The following ARID5B variants were observed in gnomAD, a reference collection of about 807,000 sequenced individuals.
ARID5B encodes the protein AT-rich interactive domain-containing protein 5B.
ARID5B carries 13 observed loss-of-function variants against 97.2 expected under a neutral mutation model. The observed-to-expected ratio is 0.13, with a 90% confidence interval of 0.09 to 0.21. The LOEUF (loss-of-function observed/expected upper bound fraction) is 0.21. ARID5B is among the 10% of genes least tolerant of loss of function. The probability of loss-of-function intolerance (pLI) is 1.00; values close to 1 mark genes in which losing one functional copy is unlikely to be tolerated. For synonymous variants in ARID5B, 556 were observed against 570.3 expected (o/e 0.97, Z 0.36); for missense variants, 1,210 against 1,465.3 (o/e 0.83, Z 2.84).
chr10:62,042,190 A>G (rs1311556999), intron 4 of ARID5B, among the ~76,000 whole-genome samples: 4 of 152,222 alleles, frequency 2.6e-5, no homozygotes, highest in African/African-American at 7.2e-5. Context: ...GTATTTATAG[A>G]AGAGTTTTCA....
Position 62,000,246 on chromosome 10 carries a change from C to T in ARID5B, c.658C>T (p.Pro220Ser), listed in dbSNP as rs1166230083. 4.3e-6 allele frequency: 7 copies of T among 1,613,830 alleles called. No homozygotes were observed. The highest frequency in any genetic ancestry group is 4.0e-5 in the African/African-American group (3 of 74,912). ...GGGCATTGCAGTGGTCAGCAGGAAC[C>T]CTCAGATCCTGTACTGTCGGGACAC... ...LGGIAVVSRN[P>S]QILYCRDTFD... is the part of the protein sequence containing the mutation. The change falls in exon 4 of 10, where the codon CCT becomes TCT. Residue 220 changes from proline (P) to serine (S), a missense_variant. This residue lies in a region of ARID5B where 132 missense variants were observed against 156.7 expected (regional missense o/e 0.84). Coordinates refer to ENST00000279873, the MANE Select transcript of ARID5B (RefSeq NM_032199.3). This position sits in a 1 kb window ranked among gnomAD's most constrained non-coding sequence, Gnocchi z 4.4.
chr10:61,916,456 A>C (rs1843906618), intron 2 of ARID5B, among the ~76,000 whole-genome samples: 1 of 152,220 alleles, frequency 6.6e-6, no homozygotes, highest in Non-Finnish European at 1.5e-5. Flanking sequence ...CTCATTTAAA[A>C]TAATATTAAT....
intron 8 of ARID5B, among the ~76,000 whole-genome samples, chr10:62,083,284 GA>G (rs35649259): frequency 0.47 from 46,845 of 99,528 alleles, 7,375 homozygotes; most frequent in Non-Finnish European, 0.51. Flanking sequence ...GTGAAGGGGA[GA>G]AAAAAAAAAA....
chr10:62,084,331 A>G (rs1840253032), intron 8 of ARID5B, among the ~76,000 whole-genome samples: 1 of 152,250 alleles, frequency 6.6e-6, no homozygotes, highest in South Asian at 2.1e-4. Flanking sequence ...AACCTGAACA[A>G]TCGTGTATGG....
intron 7 of ARID5B, among the ~76,000 whole-genome samples, chr10:62,067,813 C>A (rs988441438): frequency 6.6e-6 from 1 of 152,224 alleles, no homozygotes; most frequent in Non-Finnish European, 1.5e-5. Flanking sequence ...TTTCCTATAA[C>A]CTGCCTCACA....
intron 4 of ARID5B, chr10:62,025,293 T>C (rs1254300817): frequency 6.6e-6 from 1 of 152,220 alleles, no homozygotes; most frequent in Non-Finnish European, 1.5e-5. Context: ...GTGATTCATT[T>C]GTGCTTTATT....
intron 4 of ARID5B, among the ~76,000 whole-genome samples, chr10:62,014,587 A>G (rs1839260142): frequency 6.6e-6 from 1 of 152,176 alleles, no homozygotes; most frequent in Non-Finnish European, 1.5e-5. Context: ...TAGAAAGGGC[A>G]TTTGGGAGTC....
intron 4 of ARID5B, among the ~76,000 whole-genome samples, chr10:62,048,540 C>G (rs1426036649): frequency 6.6e-6 from 1 of 152,224 alleles, no homozygotes; most frequent in Non-Finnish European, 1.5e-5. Flanking sequence ...TTGATCAAAT[C>G]CCATTTAGAG....
intron 2 of ARID5B, among the ~76,000 whole-genome samples, chr10:61,914,033 G>A (rs1164465960): frequency 6.6e-6 from 1 of 152,204 alleles, no homozygotes; most frequent in African/African-American, 2.4e-5. Context: ...TTACAGGCGT[G>A]AGCTACCGCG....
chr10:61,973,342 G>T (rs1209676316), intron 3 of ARID5B, among the ~76,000 whole-genome samples: 2 of 152,186 alleles, frequency 1.3e-5, no homozygotes, highest in African/African-American at 4.8e-5. Flanking sequence ...TAACCCAAAA[G>T]GTTTTGTAGC....
chr10:62,073,112 G>A (rs1840086388), intron 8 of ARID5B, among the ~76,000 whole-genome samples: 1 of 152,204 alleles, frequency 6.6e-6, no homozygotes, highest in Non-Finnish European at 1.5e-5. Context: ...ATTTTGTAAA[G>A]CCTTCCAAAC....
At chr10:62,037,750 A>G (rs1314572974) in intron 4 of ARID5B, among the ~76,000 whole-genome samples, 1 of 152,232 alleles carries the variant, frequency 6.6e-6, no homozygotes, top group African/African-American at 2.4e-5. Context: ...AGCTTGCACA[A>G]TAGTACAAAG....
At chr10:61,915,247 G>A (rs555758009) in intron 2 of ARID5B, among the ~76,000 whole-genome samples, 1 of 152,304 alleles carries the variant, frequency 6.6e-6, no homozygotes, top group East Asian at 1.9e-4. Flanking sequence ...AGAGAGAGAG[G>A]TGGAAAACCA....
chr10:61,948,133 C>G (rs948187761), intron 3 of ARID5B, among the ~76,000 whole-genome samples: 5 of 152,118 alleles, frequency 3.3e-5, no homozygotes, highest in African/African-American at 1.2e-4. Flanking sequence ...TTTTTAGTAT[C>G]CAGGCTACCA....
chr10:62,070,503 T>C (rs1324661316), intron 8 of ARID5B, among the ~76,000 whole-genome samples: 1 of 152,240 alleles, frequency 6.6e-6, no homozygotes, highest in East Asian at 1.9e-4. Flanking sequence ...GTTTAGGTCA[T>C]TACCAACTTC....
intron 3 of ARID5B, among the ~76,000 whole-genome samples, chr10:61,944,434 A>C (rs1001679834): frequency 2.0e-5 from 3 of 152,204 alleles, no homozygotes; most frequent in African/African-American, 4.8e-5. Context: ...CATTTTACAA[A>C]ATTTTTAGTA....
intron 3 of ARID5B, among the ~76,000 whole-genome samples, chr10:61,978,219 A>G (rs1564618212): frequency 1.3e-5 from 2 of 152,220 alleles, no homozygotes; most frequent in South Asian, 4.1e-4. Context: ...ATTGGTCTAT[A>G]TCTCTGTTTT....
chr10:62,076,525 G>A (rs902455066), intron 8 of ARID5B, among the ~76,000 whole-genome samples: 3 of 138,236 alleles, frequency 2.2e-5, no homozygotes, highest in East Asian at 4.4e-4. Context: ...TCACGCCACC[G>A]CACTCCGGTC....
intron 4 of ARID5B, chr10:62,025,426 G>A (rs1839408278): frequency 6.6e-6 from 1 of 152,146 alleles, no homozygotes; most frequent in South Asian, 2.1e-4. Flanking sequence ...GGGAGATGTG[G>A]GGTCATTTCT....
Sources: gnomAD v4.1 joint callset for allele counts (sites outside exome capture counted in the v4.1 genomes callset) on GRCh38, gnomAD v4.1.1 for gene constraint, gnomAD v4.1.1 regional missense constraint, Gnocchi (gnomAD v3.1) non-coding constraint, MANE v1.5 for transcripts, NCBI Gene and HGNC (gene_info 2026-07-23, HGNC 2026-07-21) for gene names.